Variants in PRSS12 observed in about 807,000 individuals in gnomAD.
The protein encoded by PRSS12 is neurotrypsin.
In PRSS12, 85 loss-of-function variants were observed where a neutral mutation model predicts 104.4. The observed-to-expected ratio is 0.81, with a 90% CI of 0.68 to 0.98. The LOEUF is 0.98. PRSS12 is among the 50% of genes least tolerant of loss of function. The pLI, the probability that PRSS12 is intolerant of heterozygous loss-of-function variation, is 0.00. For missense variants in PRSS12, 1,141 were observed against 1,139.2 expected (o/e 1.00, Z -0.02); for synonymous variants, 454 against 425.2 (o/e 1.07, Z -0.83).
intron 11 of PRSS12, among the ~76,000 whole-genome samples, chr4:118,283,696 G>A (rs623035): frequency 0.29 from 43,829 of 151,934 alleles, 8,032 homozygotes; most frequent in Middle Eastern, 0.43. Context: ...TGACACCCTC[G>A]TATTTAAAAT....
rs1724550285 is a variant in PRSS12 at position 118,352,621 on chromosome 4, G to A, written c.100C>T (p.Arg34Cys). ...VLNDSLHHSH[R>C]HSPPAGPHYP... ...TGCGGACCCGCAGGGGGCGAATGGCGGTGGCTGTGGTGGAGGGAATCATTG... is the reference window on the plus strand; with the variant it reads ...TGCGGACCCGCAGGGGGCGAATGGCAGTGGCTGTGGTGGAGGGAATCATTG... Residue 34 changes from arginine to cysteine, a missense_variant, in exon 1 of 13, where the codon CGC becomes TGC. Coordinates refer to ENST00000296498, the MANE Select transcript of PRSS12 (RefSeq NM_003619.4). 3 of 1,611,606 alleles carry A rather than the reference G, an allele frequency of 1.9e-6. No individual in the cohort carries two copies. The highest frequency in any genetic ancestry group is 2.5e-6 in the Non-Finnish European group (3 of 1,179,134).
rs151270477 is a variant in PRSS12, at chr4:118,348,060, T to A, written c.502+4159A>T. Reference sequence around the variant, plus strand: ...GCCTGGGCAACATGGCAAAACTCCATCTCTACAAACAATACAAAAAATAAT... The same window carrying A: ...GCCTGGGCAACATGGCAAAACTCCAACTCTACAAACAATACAAAAAATAAT... On this transcript the variant is annotated intron_variant, in intron 1 of 12. Transcript: ENST00000296498. Among the ~76,000 whole-genome samples the A allele has an allele frequency of 1.8e-3, 273 of 152,106 alleles. 1 individual carries two copies. The highest frequency in any genetic ancestry group is 6.3e-3 in the African/African-American group (261 of 41,488).
chr4:118,340,002 C>T (rs923825221), intron 1 of PRSS12, among the ~76,000 whole-genome samples: 2 of 152,178 alleles, frequency 1.3e-5, no homozygotes, highest in African/African-American at 2.4e-5. Flanking sequence ...TGAAAACAAA[C>T]GAAATGTGTA....
At chr4:118,295,342 A>G (rs1390077423) in intron 10 of PRSS12, among the ~76,000 whole-genome samples, 1 of 152,186 alleles carries the variant, frequency 6.6e-6, no homozygotes, top group African/African-American at 2.4e-5. Context: ...ATATTTCATG[A>G]TTTAAAGTGT....
chr4:118,294,245 A>G, intron 11 of PRSS12, among the ~76,000 whole-genome samples: 1 of 152,360 alleles, frequency 6.6e-6, no homozygotes, highest in Non-Finnish European at 1.5e-5. Context: ...TGCTTTAATA[A>G]TTATCAATAT....
At chr4:118,304,829 T>C (rs1281543224) in intron 8 of PRSS12, among the ~76,000 whole-genome samples, 2 of 151,982 alleles carry the variant, frequency 1.3e-5, no homozygotes, top group Non-Finnish European at 2.9e-5. Flanking sequence ...ATTTCCTTTT[T>C]TATTATCTCA....
At chr4:118,311,656 A>G (rs973268841) in intron 7 of PRSS12, among the ~76,000 whole-genome samples, 1 of 152,232 alleles carries the variant, frequency 6.6e-6, no homozygotes, top group African/African-American at 2.4e-5. Flanking sequence ...TAGACACATT[A>G]CTGAGATTAG....
At chr4:118,338,390 CATG>C in intron 1 of PRSS12, 76 bp from the exon 2 acceptor site, 2 of 1,569,394 alleles carry the variant, frequency 1.3e-6, no homozygotes, top group Non-Finnish European at 1.7e-6. Flanking sequence ...CCTGGGTTAA[CATG>C]ATTTTTAAAC....
Position 118,313,265 on chromosome 4 carries a change from G to T in PRSS12, c.1425C>A (p.Cys475Ter). ...CAATGCTAACATCTTCGCGGTGGCT[G>T]CAGTCATGCCTTCCCCACTGTCGCC... ...CSRRQWGRHDCSHREDVSIAC... is the reference protein window; with the variant it reads ...CSRRQWGRHD The change falls in exon 7 of 13, where the codon TGC becomes TGA. Residue 475 changes from cysteine (C) to a stop codon, truncating the protein, a stop_gained. Transcript: ENST00000296498. LOFTEE classifies it high-confidence loss of function. 2 of 1,614,116 alleles carry T rather than the reference G, an allele frequency of 1.2e-6. No homozygotes were observed. Among genetic ancestry groups the T allele is most frequent in the Non-Finnish European group, 1.7e-6 (2 of 1,180,020 alleles).
chr4:118,313,205 A>T lies in PRSS12; in HGVS notation c.1485T>A (p.Ser495=). ...AGAGCTGCAGCCAGTCCTCACCCAG[A>T]GAGAGCCTGTGTCCCTCGCCGCCAG... The part of the protein sequence containing the change: ...CYPGGEGHRL[S]LGFPVRLMDG... The change falls in exon 7 of 13, where the codon TCT becomes TCA. Residue 495 remains serine (S), a synonymous_variant. Coordinates refer to ENST00000296498, the MANE Select transcript of PRSS12 (RefSeq NM_003619.4). 6.2e-7 allele frequency: 1 copy of T among 1,613,126 alleles called. No individual in the cohort carries two copies. The highest frequency in any genetic ancestry group is 8.5e-7 in the Non-Finnish European group (1 of 1,179,834).
chr4:118,318,898 T>C (rs1322255521), intron 4 of PRSS12, among the ~76,000 whole-genome samples: 1 of 152,180 alleles, frequency 6.6e-6, no homozygotes, highest in African/African-American at 2.4e-5. Context: ...TTGTTTGTGG[T>C]AAAATAAACA....
chr4:118,308,736 T>A (rs1743624907), intron 7 of PRSS12, among the ~76,000 whole-genome samples, 159 bp from the exon 8 acceptor site: 1 of 152,206 alleles, frequency 6.6e-6, no homozygotes, highest in African/African-American at 2.4e-5. Flanking sequence ...AAAAATTTTA[T>A]CCACTTTTGT....
At chr4:118,282,805 C>G (rs1312789151) in intron 12 of PRSS12, 26 bp downstream of exon 12, 4 of 1,613,374 alleles carry the variant, frequency 2.5e-6, no homozygotes, top group Non-Finnish European at 1.7e-6. Flanking sequence ...CAAAAAGGTG[C>G]CCTGCTTTTT....
chr4:118,337,750 C>G (rs2126042611), intron 2 of PRSS12, among the ~76,000 whole-genome samples: 1 of 152,078 alleles, frequency 6.6e-6, no homozygotes, highest in Non-Finnish European at 1.5e-5. Context: ...ATGACAACAA[C>G]AAGTTAAGGC....
At position 118,308,551 on chromosome 4, in the gene PRSS12, C is replaced by G; in HGVS notation, c.1516G>C (p.Glu506Gln). Residue 506 changes from glutamate to glutamine, a missense_variant, in exon 8 of 13, where the codon GAA becomes CAA. Glu to Gln is a conservative substitution (Grantham distance 29). Coordinates refer to ENST00000296498, the MANE Select transcript of PRSS12 (RefSeq NM_003619.4). ...LGFPVRLMDGENKKEGRVEVF... is the reference protein window; with the variant it reads ...LGFPVRLMDGQNKKEGRVEVF... ...TCCACTCGTCCTTCTTTCTTATTTT[C>G]TCCATCCATCAGTCTGACAGGAAAA... The G allele has an allele frequency of 6.2e-7, 1 of 1,613,998 alleles. No individual in the cohort carries two copies. The highest frequency in any genetic ancestry group is 8.5e-7 in the Non-Finnish European group (1 of 1,179,928).
Position 118,352,220 on chromosome 4 carries a change from G to A in PRSS12, c.501C>T (p.His167=). 2 of 1,611,802 alleles carry A rather than the reference G, an allele frequency of 1.2e-6. No homozygotes were observed. The highest frequency in any genetic ancestry group is 1.7e-6 in the Non-Finnish European group (2 of 1,179,686). ...CGCGGCCGCCCCGAGGCCACTAACC[G>A]TGTCTGCAGTCGCAGTAGCCCCAGT... ...KVDWGYCDCR[H]GSVRLRGGKN... is the part of the protein sequence containing the mutation. Residue 167 remains histidine, a splice_region_variant and synonymous_variant, in exon 1 of 13, where the codon CAC becomes CAT. Coordinates refer to ENST00000296498, the MANE Select transcript of PRSS12 (RefSeq NM_003619.4).
Position 118,281,475 on chromosome 4 carries a change from A to G in PRSS12, c.*461T>C, listed in dbSNP as rs1433585603. On this transcript the variant is annotated 3_prime_UTR_variant, in exon 13 of 13. Coordinates refer to ENST00000296498, the MANE Select transcript of PRSS12 (RefSeq NM_003619.4). Reference sequence around the variant, plus strand: ...TTGACAAAGGCTACAGAGAATATGAAGATTTCTTGTCAAGTCTTTTGAAAA... The same window carrying G: ...TTGACAAAGGCTACAGAGAATATGAGGATTTCTTGTCAAGTCTTTTGAAAA... 5.3e-6 allele frequency: 1 copy of G among 188,972 alleles called. No homozygotes were observed. The highest frequency in any genetic ancestry group is 1.1e-5 in the Non-Finnish European group (1 of 88,660). The allele number at this position is 188,972 out of a possible 1,614,324, so 11.7% of individuals were successfully genotyped here. A position where few individuals can be genotyped will look rare whatever the true frequency, so the allele number is the denominator to read the frequency against.
At chr4:118,343,276 T>G (rs560660948) in intron 1 of PRSS12, among the ~76,000 whole-genome samples, 1 of 151,846 alleles carries the variant, frequency 6.6e-6, no homozygotes, top group East Asian at 1.9e-4. Flanking sequence ...ACGTGTGTAG[T>G]CCCAGCTACT....
intron 4 of PRSS12, among the ~76,000 whole-genome samples, chr4:118,329,376 T>C (rs1174538342): frequency 6.6e-6 from 1 of 152,228 alleles, no homozygotes; most frequent in African/African-American, 2.4e-5. Context: ...TTGTAACTGA[T>C]AATATTAAAA....
Sources: allele counts gnomAD v4.1 joint callset (sites outside exome capture counted in the v4.1 genomes callset), GRCh38; gene constraint gnomAD v4.1.1; transcripts MANE v1.5; gene names NCBI Gene and HGNC (gene_info 2026-07-23, HGNC 2026-07-21).